VPS13B: variants seen among roughly 807,000 people sequenced by gnomAD.
The protein encoded by VPS13B is vacuolar protein sorting 13 homolog B.
In VPS13B, 285 loss-of-function variants were observed where a neutral mutation model predicts 426.4. That is an observed-to-expected ratio of 0.67 (90% CI 0.61 to 0.74). The LOEUF is 0.74. Among genes scored for constraint, VPS13B ranks in the 30% least tolerant of loss-of-function variants. The pLI is 0.00. For synonymous variants in VPS13B, 1,676 were observed against 1,676.4 expected (o/e 1.00, Z 0.01); for missense variants, 4,537 against 4,782.6 (o/e 0.95, Z 1.51).
chr8:99,581,659 T>G (rs1826064518), intron 33 of VPS13B, among the ~76,000 whole-genome samples: 1 of 152,192 alleles, frequency 6.6e-6, no homozygotes, highest in Non-Finnish European at 1.5e-5. Flanking sequence ...AAATTTGAAA[T>G]GCTTCCCTGA....
In VPS13B at chr8:99,700,709, T is replaced by C. The variant is rs1280300282; in HGVS notation, c.6454+777T>C. Among the ~76,000 whole-genome samples, 3 of 152,304 alleles carry C rather than the reference T, an allele frequency of 2.0e-5. 1 individual carries two copies. Among genetic ancestry groups the C allele is most frequent in the South Asian group, 4.1e-4 (2 of 4,824 alleles). On this transcript the variant is annotated intron_variant, in intron 36 of 61. Coordinates refer to ENST00000357162, the MANE Select transcript of VPS13B (RefSeq NM_152564.5). ...TTCTGTTACCATGACTAAATTGTTA[T>C]ATACTTTTTCAAAAAGCATGGGAAG... is the stretch of plus-strand genomic sequence containing the variant.
chr8:99,349,609 A>G (rs903576239), intron 19 of VPS13B, among the ~76,000 whole-genome samples: 2 of 152,168 alleles, frequency 1.3e-5, no homozygotes, highest in African/African-American at 4.8e-5. Flanking sequence ...TGAAATTTGA[A>G]TGTAGCTGAT....
chr8:99,543,626 A>G (rs1823768726), intron 30 of VPS13B, among the ~76,000 whole-genome samples: 1 of 151,316 alleles, frequency 6.6e-6, no homozygotes, highest in Non-Finnish European at 1.5e-5. Flanking sequence ...GAAAAAAACA[A>G]ACAACCCCAT....
chr8:99,769,526 A>C (rs1811380282), intron 40 of VPS13B, among the ~76,000 whole-genome samples: 1 of 152,200 alleles, frequency 6.6e-6, no homozygotes, highest in Admixed American at 6.5e-5. Flanking sequence ...TTTACATCAG[A>C]CTATTGGACA....
intron 24 of VPS13B, among the ~76,000 whole-genome samples, chr8:99,472,011 T>C (rs1334954617): frequency 6.6e-6 from 1 of 152,224 alleles, no homozygotes; most frequent in East Asian, 1.9e-4. Flanking sequence ...AGATACACCA[T>C]ACAAACAGTC....
At chr8:99,494,282 GTATCCGTTAAAAAA>G (rs1366197033) in intron 25 of VPS13B, among the ~76,000 whole-genome samples, 1 of 151,930 alleles carries the variant, frequency 6.6e-6, no homozygotes, top group Non-Finnish European at 1.5e-5. Flanking sequence ...CTGAAATTCT[GTATCCGTTAAAAAA>G]TAACTCACCA....
Position 99,402,953 on chromosome 8 carries a change from C to T in VPS13B, c.3082+11249C>T, listed in dbSNP as rs536768525. 1.3e-4 allele frequency among the ~76,000 whole-genome samples: 20 copies of T among 152,272 alleles called. No individual in the cohort carries two copies. In the South Asian group the frequency reaches 2.7e-3, roughly 21 times the overall value. On this transcript the variant is annotated intron_variant, in intron 21 of 61. Coordinates refer to ENST00000357162, the MANE Select transcript of VPS13B (RefSeq NM_152564.5). ...AATTGATAGGTGATTTCTTTACTAGCGAATAAACATTCCTAAATTAAATTA... is the reference window on the plus strand; with the variant it reads ...AATTGATAGGTGATTTCTTTACTAGTGAATAAACATTCCTAAATTAAATTA...
intron 40 of VPS13B, among the ~76,000 whole-genome samples, chr8:99,767,372 T>C (rs902943564): frequency 2.0e-5 from 3 of 151,104 alleles, no homozygotes; most frequent in African/African-American, 4.9e-5. Context: ...TTAAAAGAAA[T>C]GTTAAAAAAA....
At chr8:99,073,891 C>G (rs2132342435) in intron 3 of VPS13B, among the ~76,000 whole-genome samples, 1 of 152,132 alleles carries the variant, frequency 6.6e-6, no homozygotes, top group East Asian at 1.9e-4. Flanking sequence ...CGTTCTGAGG[C>G]TCCCAAGTAG....
chr8:99,143,827 A>G (rs1810559382), intron 13 of VPS13B, among the ~76,000 whole-genome samples: 1 of 152,192 alleles, frequency 6.6e-6, no homozygotes, highest in African/African-American at 2.4e-5. Context: ...TGTGACAGAG[A>G]TGGCTAATTG....
At chr8:99,032,761 C>T (rs538801381) in intron 2 of VPS13B, among the ~76,000 whole-genome samples, 27 of 151,226 alleles carry the variant, frequency 1.8e-4, no homozygotes, top group Non-Finnish European at 2.8e-4. Flanking sequence ...AGGATGGTCT[C>T]GATCTCCTGA....
At chr8:99,053,264 A>G (rs531254157) in intron 3 of VPS13B, among the ~76,000 whole-genome samples, 1 of 152,116 alleles carries the variant, frequency 6.6e-6, no homozygotes, top group South Asian at 2.1e-4. Context: ...AGCATTAGGT[A>G]TATCTCCTAA....
chr8:99,513,954 A>G (rs1045612530), intron 29 of VPS13B, among the ~76,000 whole-genome samples: 3 of 152,204 alleles, frequency 2.0e-5, no homozygotes, highest in Non-Finnish European at 1.5e-5. Context: ...CATTTGTCTT[A>G]AAATATCTTA....
chr8:99,729,511 T>C (rs1833501126), intron 39 of VPS13B, among the ~76,000 whole-genome samples: 1 of 152,262 alleles, frequency 6.6e-6, no homozygotes, highest in South Asian at 2.1e-4. Flanking sequence ...ATCTCCAGTG[T>C]GCTTAAGATC....
intron 19 of VPS13B, among the ~76,000 whole-genome samples, chr8:99,298,928 A>G (rs1820190500): frequency 6.6e-6 from 1 of 152,236 alleles, no homozygotes; most frequent in Non-Finnish European, 1.5e-5. Flanking sequence ...GGTGCTCAGA[A>G]AGCAGCACCT....
At chr8:99,269,549 T>C (rs907445240) in intron 17 of VPS13B, among the ~76,000 whole-genome samples, 2 of 152,220 alleles carry the variant, frequency 1.3e-5, no homozygotes, top group African/African-American at 4.8e-5. Context: ...ACTACAGTTA[T>C]TTTGGCCTCC....
chr8:99,258,055 A>T (rs928229769), intron 17 of VPS13B, among the ~76,000 whole-genome samples: 1 of 151,098 alleles, frequency 6.6e-6, no homozygotes, highest in African/African-American at 2.4e-5. Context: ...TGTTTTTTTA[A>T]GTTCATATAT....
At chr8:99,838,232 G>A (rs959568538) in intron 54 of VPS13B, among the ~76,000 whole-genome samples, 6 of 152,172 alleles carry the variant, frequency 3.9e-5, no homozygotes, top group African/African-American at 1.4e-4. Flanking sequence ...GGCACCTGGT[G>A]CTCATACCCA....
chr8:99,546,832 G>C (rs1201633497), intron 30 of VPS13B, among the ~76,000 whole-genome samples: 1 of 151,942 alleles, frequency 6.6e-6, no homozygotes, highest in Non-Finnish European at 1.5e-5. Flanking sequence ...AGATATCTTT[G>C]TTAGAATTGT....
Sources: allele counts gnomAD v4.1 joint callset (sites outside exome capture counted in the v4.1 genomes callset), GRCh38; gene constraint gnomAD v4.1.1; transcripts MANE v1.5; gene names NCBI Gene and HGNC (gene_info 2026-07-23, HGNC 2026-07-21).